Variants in PTP4A1 observed in about 807,000 individuals in gnomAD.
PTP4A1 encodes protein tyrosine phosphatase 4A1.
In PTP4A1, 9 loss-of-function variants were observed where a neutral mutation model predicts 20.5. The observed-to-expected ratio is 0.44, with a 90% CI of 0.26 to 0.77. The LOEUF (loss-of-function observed/expected upper bound fraction) is 0.77. Ranked by LOEUF, PTP4A1 falls within the 30% of genes least tolerant of loss-of-function variation. The pLI is 0.19. For synonymous variants in PTP4A1, 78 were observed against 67.4 expected (o/e 1.16, Z -0.77); for missense variants, 137 against 218.8 (o/e 0.63, Z 2.36).
upstream of PTP4A1, among the ~76,000 whole-genome samples, chr6:63,517,082 G>GAA (rs1287608323): frequency 6.6e-6 from 1 of 152,036 alleles, no homozygotes; most frequent in Non-Finnish European, 1.5e-5. Context: ...AAGGTTTTAA[G>GAA]AATTAAATGA....
At chr6:63,555,746 T>C (rs1220734717) in intron 3 of PTP4A1, among the ~76,000 whole-genome samples, 2 of 148,904 alleles carry the variant, frequency 1.3e-5, no homozygotes, top group African/African-American at 5.0e-5. Context: ...CAGCCTGGAG[T>C]GCAATGGCGT....
chr6:63,568,036 G>A (rs1777263226), upstream of PTP4A1, among the ~76,000 whole-genome samples: 1 of 152,208 alleles, frequency 6.6e-6, no homozygotes, highest in Non-Finnish European at 1.5e-5. Flanking sequence ...ATTAGGCTTT[G>A]ACTTAAGAGA....
At chr6:63,544,611 C>T (rs1399982032) in intron 2 of PTP4A1, among the ~76,000 whole-genome samples, 2 of 152,042 alleles carry the variant, frequency 1.3e-5, no homozygotes, top group East Asian at 3.9e-4. Flanking sequence ...TTTCTTTGAT[C>T]TTAATAGTGG....
chr6:63,579,118 A>G (rs1778055686), intron 4 of PTP4A1, 90 bp downstream of exon 4: 2 of 1,398,160 alleles, frequency 1.4e-6, no homozygotes, highest in Middle Eastern at 2.0e-4. Context: ...TTTTTAATAT[A>G]AAGTCAACAT....
chr6:63,523,586 T>G (rs1032882137), intron 1 of PTP4A1, among the ~76,000 whole-genome samples: 1 of 152,166 alleles, frequency 6.6e-6, no homozygotes, highest in African/African-American at 2.4e-5. Context: ...TAAAACCAGT[T>G]CCATGTCAAT....
upstream of PTP4A1, chr6:63,571,238 T>C (rs1034565753): frequency 7.2e-5 from 11 of 152,174 alleles, no homozygotes; most frequent in East Asian, 3.8e-4. Context: ...AGTCTCTAAA[T>C]AGAAGTTCTA....
rs1227437527 is a variant in PTP4A1, at chr6:63,582,533, A to T, written c.*2359A>T. Reference sequence around the variant, plus strand: ...GCCTATAATACATCTTAGATTCCTTATATCTAATAAGAGTTCAAAGAGTTA... The same window carrying T: ...GCCTATAATACATCTTAGATTCCTTTTATCTAATAAGAGTTCAAAGAGTTA... On this transcript the variant is annotated 3_prime_UTR_variant, in exon 6 of 6. Transcript: ENST00000626021. The T allele has an allele frequency of 6.6e-6, 1 of 152,570 alleles. No homozygotes were observed. Among genetic ancestry groups the T allele is most frequent in the Non-Finnish European group, 1.5e-5 (1 of 68,030 alleles). The allele number at this position is 152,570 out of a possible 1,614,324, so 9.5% of individuals were successfully genotyped here. A position where few individuals can be genotyped will look rare whatever the true frequency, so the allele number is the denominator to read the frequency against.
intron 3 of PTP4A1, among the ~76,000 whole-genome samples, chr6:63,558,276 G>A (rs1261950154): frequency 1.3e-5 from 2 of 152,054 alleles, no homozygotes; most frequent in South Asian, 2.1e-4. Flanking sequence ...AAGTAAAAGG[G>A]GGAAGGAGGG....
intron 2 of PTP4A1, among the ~76,000 whole-genome samples, chr6:63,541,008 AG>A (rs1775946225): frequency 7.0e-6 from 1 of 141,866 alleles, no homozygotes; most frequent in South Asian, 2.3e-4. Context: ...GTCAAAAAAA[AG>A]GAAGGAGGGA....
chr6:63,518,007 C>T (rs910833818), upstream of PTP4A1, among the ~76,000 whole-genome samples: 1 of 151,978 alleles, frequency 6.6e-6, no homozygotes, highest in Non-Finnish European at 1.5e-5. Context: ...ACAAAATTAG[C>T]CAGGTGTGGT....
chr6:63,523,569 A>G (rs1174631277), intron 1 of PTP4A1, among the ~76,000 whole-genome samples: 2 of 152,236 alleles, frequency 1.3e-5, no homozygotes, highest in Non-Finnish European at 2.9e-5. Context: ...AAGTTATTGC[A>G]GAAAAATAAA....
intron 2 of PTP4A1, among the ~76,000 whole-genome samples, chr6:63,531,637 G>A (rs750469060): frequency 8.0e-5 from 12 of 149,798 alleles, no homozygotes; most frequent in South Asian, 2.1e-4. Context: ...CTATAGGCAC[G>A]AGCCACCATG....
At position 63,572,572 on chromosome 6, in the gene PTP4A1, CCCGCCGCCGCCTGCATCG is replaced by C. The variant is rs892038961; in HGVS notation, c.-587_-570del. 2 of 413,444 alleles carry C rather than the reference CCCGCCGCCGCCTGCATCG, an allele frequency of 4.8e-6. No individual in the cohort carries two copies. The highest frequency in any genetic ancestry group is 8.4e-6 in the Non-Finnish European group (2 of 238,424). The allele number at this position is 413,444 out of a possible 1,614,324, so 25.6% of individuals were successfully genotyped here. On this transcript the variant is annotated 5_prime_UTR_variant, in exon 1 of 6. Coordinates refer to ENST00000626021, the MANE Select transcript of PTP4A1 (RefSeq NM_003463.5). ...TCACTGCATGGTAGAGTCTGGTGCC[CCCGCCGCCGCCTGCATCG>C]CCGCCACCGCCGCTCCGCCACGACC... is the stretch of plus-strand genomic sequence containing the variant.
chr6:63,578,507 A>G lies in PTP4A1; in HGVS notation c.176A>G (p.Glu59Gly), dbSNP rs1778018120. 6.2e-7 allele frequency: 1 copy of G among 1,612,116 alleles called. No individual in the cohort carries two copies. Among genetic ancestry groups the G allele is most frequent in the Admixed American group, 1.7e-5 (1 of 59,498 alleles). ...CEATYDTTLV[E>G]KEGIHVLDWP... ...GCAACTTATGACACTACTCTTGTGG[A>G]GAAAGAAGGTATCCATGTTCTTGTA... The change falls in exon 3 of 6, where the codon GAG becomes GGG. Residue 59 changes from glutamate (E) to glycine (G), a missense_variant. Physicochemically the swap from Glu to Gly is moderately conservative, Grantham distance 98 (BLOSUM62 -2). Coordinates refer to ENST00000626021, the MANE Select transcript of PTP4A1 (RefSeq NM_003463.5).
chr6:63,539,729 A>G (rs1374547646), intron 2 of PTP4A1, among the ~76,000 whole-genome samples: 1 of 151,836 alleles, frequency 6.6e-6, no homozygotes, highest in Admixed American at 6.6e-5. Context: ...AGATCGTACC[A>G]CTGCACTCTA....
intron 2 of PTP4A1, among the ~76,000 whole-genome samples, chr6:63,546,267 AGT>A (rs1177572122): frequency 1.4e-4 from 22 of 152,216 alleles, no homozygotes; most frequent in African/African-American, 5.3e-4. Context: ...CATTTTGCTA[AGT>A]GAAATAAAAC....
intron 1 of PTP4A1, chr6:63,573,136 C>T: frequency 6.3e-6 from 1 of 159,214 alleles, no homozygotes; most frequent in Non-Finnish European, 1.4e-5. Context: ...CCGGGCATGG[C>T]AGGCTCCGCG....
At chr6:63,562,843 G>T (rs183803962) in intron 3 of PTP4A1, among the ~76,000 whole-genome samples, 2 of 152,152 alleles carry the variant, frequency 1.3e-5, no homozygotes, top group Admixed American at 6.5e-5. Flanking sequence ...TAAGTTTCTG[G>T]TTTATTCCCT....
chr6:63,559,483 A>T (rs1776841667), intron 3 of PTP4A1, among the ~76,000 whole-genome samples: 1 of 152,212 alleles, frequency 6.6e-6, no homozygotes, highest in African/African-American at 2.4e-5. Context: ...GCAGTGGCTC[A>T]CACCTGTAAT....
Sources: gnomAD v4.1 joint callset for allele counts (sites outside exome capture counted in the v4.1 genomes callset) on GRCh38, gnomAD v4.1.1 for gene constraint, MANE v1.5 for transcripts, NCBI Gene and HGNC (gene_info 2026-07-23, HGNC 2026-07-21) for gene names.